Variants in FRMPD4 observed in about 807,000 individuals in gnomAD.
The protein encoded by FRMPD4 is FERM and PDZ domain-containing protein 4.
FRMPD4 carries 22 observed loss-of-function variants against 94.1 expected under a neutral mutation model. That is an observed-to-expected ratio of 0.23 (90% CI 0.17 to 0.33). The LOEUF (loss-of-function observed/expected upper bound fraction) is 0.33. Ranked by LOEUF, FRMPD4 falls within the 10% of genes least tolerant of loss-of-function variation. The probability of loss-of-function intolerance (pLI) is 1.00; values close to 1 mark genes in which losing one functional copy is unlikely to be tolerated. For missense variants in FRMPD4, 1,111 were observed against 1,339.9 expected (o/e 0.83, Z 2.67); for synonymous variants, 631 against 548.6 (o/e 1.15, Z -2.10).
intron 3 of FRMPD4, among the ~76,000 whole-genome samples, chrX:12,130,372 C>A (rs1458644474): frequency 6.3e-5 from 7 of 110,731 alleles, no homozygotes; most frequent in Non-Finnish European, 9.4e-5. Flanking sequence ...AGACAGGAAG[C>A]AGGGAGGAGG....
chrX:12,463,685 T>G lies in FRMPD4; in HGVS notation c.42-34995T>G, dbSNP rs868373263. Reference sequence around the variant, plus strand: ...GCCTGTGCCTCCTATGTGTGTGTTTTTTTTTTGTTTTTGTTTTTTTTTTTT... The same window carrying G: ...GCCTGTGCCTCCTATGTGTGTGTTTGTTTTTTGTTTTTGTTTTTTTTTTTT... On this transcript the variant is annotated intron_variant, in intron 1 of 16. Coordinates refer to ENST00000675598, the MANE Select transcript of FRMPD4 (RefSeq NM_001368397.1). Among the ~76,000 whole-genome samples, 12 of 86,108 alleles carry G rather than the reference T, an allele frequency of 1.4e-4. 1 individual carries two copies. The highest frequency in any genetic ancestry group is 6.5e-4 in the African/African-American group (12 of 18,368). 74.8% of individuals were successfully genotyped at this position (86,108 alleles called of 115,157 possible). A position where few individuals can be genotyped will look rare whatever the true frequency, so the allele number is the denominator to read the frequency against.
intron 1 of FRMPD4, among the ~76,000 whole-genome samples, chrX:12,314,089 T>C (rs1207386912): frequency 8.9e-6 from 1 of 112,560 alleles, no homozygotes; most frequent in Non-Finnish European, 1.9e-5. Flanking sequence ...CACAAGACAT[T>C]GAAGCTTATA....
At chrX:12,140,857 T>G (rs908187492) in intron 1 of FRMPD4, among the ~76,000 whole-genome samples, 4 of 111,993 alleles carry the variant, frequency 3.6e-5, no homozygotes, top group African/African-American at 3.2e-5. Context: ...AGTTTAAAAT[T>G]TAGTAAATGA....
intron 2 of FRMPD4, among the ~76,000 whole-genome samples, chrX:12,541,289 A>G (rs1398475733): frequency 8.9e-6 from 1 of 111,829 alleles, no homozygotes; most frequent in Admixed American, 9.5e-5. Flanking sequence ...CAAAAAATCA[A>G]TGAATCCAGG....
intron 2 of FRMPD4, among the ~76,000 whole-genome samples, chrX:11,876,016 C>T (rs1294504556): frequency 9.2e-6 from 1 of 108,954 alleles, no homozygotes; most frequent in East Asian, 2.9e-4. Flanking sequence ...GCTGGGACTA[C>T]AGGCACCCAC....
chrX:12,004,415 T>C (rs961901405), intron 3 of FRMPD4, among the ~76,000 whole-genome samples: 2 of 111,620 alleles, frequency 1.8e-5, no homozygotes, highest in African/African-American at 6.5e-5. Context: ...TATCACCACA[T>C]CTAATCTCCA....
chrX:12,473,516 TG>T (rs1290513746), intron 1 of FRMPD4, among the ~76,000 whole-genome samples: 1 of 109,879 alleles, frequency 9.1e-6, no homozygotes, highest in African/African-American at 3.5e-5. Context: ...AGACACAGAC[TG>T]GCAAATTGGA....
chrX:12,090,130 T>C (rs151276212), intron 3 of FRMPD4, among the ~76,000 whole-genome samples: 3 of 111,639 alleles, frequency 2.7e-5, no homozygotes, highest in African/African-American at 9.8e-5. Flanking sequence ...TCATGTTGAA[T>C]TGTAATCGCC....
In FRMPD4 at chrX:12,010,737, T is replaced by C. The variant is rs1244185799; in HGVS notation, c.95+132719T>C. ...GTGCAATTAAAACTATAATATGAGA[T>C]CAGAATACTCAATATTACAAACAAA... On this transcript the variant is annotated intron_variant, in intron 3 of 18. Coordinates refer to the FRMPD4 transcript ENST00000640291. 1.5e-4 allele frequency among the ~76,000 whole-genome samples: 17 copies of C among 112,322 alleles called. No individual in the cohort carries two copies. In the Admixed American group the frequency reaches 1.6e-3, roughly 11 times the overall value.
At chrX:12,706,562 C>T (rs1262284253) in intron 11 of FRMPD4, among the ~76,000 whole-genome samples, 1 of 111,250 alleles carries the variant, frequency 9.0e-6, no homozygotes, top group Non-Finnish European at 1.9e-5. Flanking sequence ...TGCTGAGTGC[C>T]CTGGCCCAGC....
At chrX:11,910,408 T>G (rs1360028914) in intron 3 of FRMPD4, among the ~76,000 whole-genome samples, 1 of 112,193 alleles carries the variant, frequency 8.9e-6, no homozygotes, top group African/African-American at 3.2e-5. Flanking sequence ...TAATATAAGA[T>G]TAGAATTTAT....
At chrX:12,280,202 C>G (rs2054501831) in intron 1 of FRMPD4, among the ~76,000 whole-genome samples, 1 of 108,525 alleles carries the variant, frequency 9.2e-6, no homozygotes, top group Non-Finnish European at 1.9e-5. Context: ...GGTTTCTAGT[C>G]TAACCATTTA....
intron 3 of FRMPD4, among the ~76,000 whole-genome samples, chrX:11,892,354 G>T (rs1041499657): frequency 8.9e-6 from 1 of 112,132 alleles, no homozygotes; most frequent in Non-Finnish European, 1.9e-5. Flanking sequence ...AAATGACAAA[G>T]CATTTCTGCC....
At chrX:12,333,729 G>T (rs1418084569) in intron 1 of FRMPD4, among the ~76,000 whole-genome samples, 1 of 111,672 alleles carries the variant, frequency 9.0e-6, no homozygotes. Context: ...CAACCAACCA[G>T]TTTGTTTAGA....
intron 4 of FRMPD4, among the ~76,000 whole-genome samples, chrX:12,659,666 A>G (rs1301850170): frequency 2.7e-5 from 3 of 112,894 alleles, no homozygotes; most frequent in Non-Finnish European, 5.6e-5. Flanking sequence ...CCAGGTAGAT[A>G]CTCAATAAAT....
Position 12,265,313 on chromosome X carries a change from A to G in FRMPD4, c.41+126301A>G, listed in dbSNP as rs1472213420. On this transcript the variant is annotated intron_variant, in intron 1 of 16. Transcript: ENST00000675598. ...ATGCTGCGGTTTGCTGGTTCATTCA[A>G]CAGTGAAGATTTTTATGGTAAATTA... Among the ~76,000 whole-genome samples the G allele has an allele frequency of 2.7e-5, 3 of 112,443 alleles. No individual in the cohort carries two copies. The Admixed American group carries it at 2.8e-4, about 11-fold the overall frequency.
At chrX:12,609,917 A>C (rs2304605) in intron 3 of FRMPD4, 36 bp downstream of exon 3, 101,707 of 1,129,369 alleles carry the variant, frequency 0.09, 4,958 homozygotes, top group African/African-American at 0.27. Context: ...TTTCCTGGGA[A>C]TGTCTGCCAC....
At chrX:12,653,970 T>C (rs899660926) in intron 4 of FRMPD4, among the ~76,000 whole-genome samples, 28 of 111,931 alleles carry the variant, frequency 2.5e-4, no homozygotes, top group Admixed American at 2.8e-4. Context: ...TTTCACCATG[T>C]TGGTCAGGCT....
At chrX:12,575,541 C>T (rs2058803325) in intron 2 of FRMPD4, among the ~76,000 whole-genome samples, 1 of 111,244 alleles carries the variant, frequency 9.0e-6, no homozygotes, top group Non-Finnish European at 1.9e-5. Flanking sequence ...ATATTGTAGG[C>T]AGAATGATAG....
Sources: gnomAD v4.1 joint callset for allele counts (sites outside exome capture counted in the v4.1 genomes callset) on GRCh38, gnomAD v4.1.1 for gene constraint, MANE v1.5 for transcripts, NCBI Gene and HGNC (gene_info 2026-07-23, HGNC 2026-07-21) for gene names.